NOS1: variants seen among roughly 807,000 people sequenced by gnomAD.
NOS1 encodes the protein nitric oxide synthase 1, also known as NOS type I.
A neutral mutation model predicts 164.5 loss-of-function variants in NOS1; 51 were observed. The observed-to-expected ratio is 0.31, with a 90% CI of 0.25 to 0.39. The LOEUF (loss-of-function observed/expected upper bound fraction) is 0.39, where lower values mean the gene tolerates loss of function less well. Ranked by LOEUF, NOS1 falls within the 10% of genes least tolerant of loss-of-function variation. The pLI is 1.00. For missense variants in NOS1, 1,362 were observed against 1,885.6 expected (o/e 0.72, Z 5.14); for synonymous variants, 719 against 745.8 (o/e 0.96, Z 0.59).
intron 5 of NOS1, 103 bp downstream of exon 5, chr12:117,287,971 G>T: frequency 7.7e-7 from 1 of 1,293,536 alleles, no homozygotes. Flanking sequence ...GTGTATGGCA[G>T]AGGCCTTGTG....
intron 2 of NOS1, among the ~76,000 whole-genome samples, chr12:117,327,147 C>T (rs937521100): frequency 2.6e-5 from 4 of 152,156 alleles, no homozygotes; most frequent in Non-Finnish European, 4.4e-5. Flanking sequence ...ATATTAGATA[C>T]GGCTGGGATT....
At chr12:117,222,161 G>A in intron 26 of NOS1, among the ~76,000 whole-genome samples, 1 of 151,960 alleles carries the variant, frequency 6.6e-6, no homozygotes. Context: ...TCAGCCCCTG[G>A]CAACCACTAA....
chr12:117,209,703 C>T lies in NOS1; in HGVS notation c.*5606G>A, dbSNP rs1211041911. On this transcript the variant is annotated 3_prime_UTR_variant, in exon 29 of 29. Transcript: ENST00000317775. ...TAAGTATTAATAGGAAACAGACTCT[C>T]GACAGACACTGCTTTCCACGGGTGA... The T allele has an allele frequency of 1.3e-5, 13 of 985,388 alleles. No homozygotes were observed. The highest frequency in any genetic ancestry group is 1.0e-3 in the Middle Eastern group (2 of 1,936). The allele number at this position is 985,388 out of a possible 1,614,324, so 61.0% of individuals were successfully genotyped here.
At chr12:117,220,750 C>T (rs1956690002) in intron 26 of NOS1, among the ~76,000 whole-genome samples, 1 of 152,106 alleles carries the variant, frequency 6.6e-6, no homozygotes, top group Non-Finnish European at 1.5e-5. Flanking sequence ...CCAGCTTCCA[C>T]CTCTGCAAAG....
chr12:117,262,714 C>CA (rs1287677202), intron 13 of NOS1, among the ~76,000 whole-genome samples: 2 of 152,030 alleles, frequency 1.3e-5, no homozygotes, highest in Non-Finnish European at 2.9e-5. Flanking sequence ...TGTCTTCTGA[C>CA]AAAAAGTTAG....
At position 117,214,815 on chromosome 12, in the gene NOS1, G is replaced by A. The variant is rs139248593; in HGVS notation, c.*494C>T. The A allele has an allele frequency of 2.4e-5, 24 of 982,708 alleles. No individual in the cohort carries two copies. In the East Asian group the frequency reaches 1.4e-3, roughly 56 times the overall value. 60.9% of individuals were successfully genotyped at this position (982,708 alleles called of 1,614,324 possible). ...GACACACTTGTGCAGGGAAGAGGAC[G>A]GACAGAGACCTGGCCCATCACACAC... is the stretch of plus-strand genomic sequence containing the variant. On this transcript the variant is annotated 3_prime_UTR_variant, in exon 29 of 29. Coordinates refer to ENST00000317775, the MANE Select transcript of NOS1 (RefSeq NM_000620.5).
rs943168772 is a variant in NOS1 at position 117,218,103 on chromosome 12, T to C, written c.4232A>G (p.Asn1411Ser). The C allele has an allele frequency of 2.5e-6, 4 of 1,614,038 alleles. No homozygotes were observed. Among genetic ancestry groups the C allele is most frequent in the Middle Eastern group, 1.6e-4 (1 of 6,082 alleles). The part of the protein sequence containing the change: ...GVTLRTYEVT[N>S]RLRSESIAFI... ...GGCAATGGACTCAGATCTAAGGCGGTTGGTCACTTCGTACGTTCGCAGGGT... is the reference window on the plus strand; with the variant it reads ...GGCAATGGACTCAGATCTAAGGCGGCTGGTCACTTCGTACGTTCGCAGGGT... The change falls in exon 28 of 29, where the codon AAC becomes AGC. Residue 1411 changes from asparagine to serine, a missense_variant. Asn to Ser is a conservative substitution (Grantham distance 46). Coordinates refer to ENST00000317775, the MANE Select transcript of NOS1 (RefSeq NM_000620.5).
intron 16 of NOS1, among the ~76,000 whole-genome samples, chr12:117,254,266 C>T (rs905052587): frequency 1.3e-5 from 2 of 152,266 alleles, no homozygotes; most frequent in East Asian, 1.9e-4. Context: ...TGCCAACATG[C>T]TCAGCTAATT....
chr12:117,322,304 CCT>C (rs1296501382), intron 2 of NOS1, among the ~76,000 whole-genome samples: 1 of 127,242 alleles, frequency 7.9e-6, no homozygotes, highest in African/African-American at 3.1e-5. Flanking sequence ...TCCTTCCCTC[CCT>C]CTGTCCCTCC....
At chr12:117,298,333 G>A (rs190474557) in intron 3 of NOS1, among the ~76,000 whole-genome samples, 47 of 152,184 alleles carry the variant, frequency 3.1e-4, no homozygotes, top group South Asian at 6.2e-4. Flanking sequence ...GAGCCCAGGC[G>A]GTAATGCGAG....
At chr12:117,291,723 T>C (rs1427144443) in intron 3 of NOS1, among the ~76,000 whole-genome samples, 1 of 151,758 alleles carries the variant, frequency 6.6e-6, no homozygotes, top group Non-Finnish European at 1.5e-5. Flanking sequence ...TTTGTAGAGA[T>C]GGGGGTCTCA....
In NOS1 at chr12:117,275,451, T is replaced by G. The variant is rs575253315; in HGVS notation, c.1664+2508A>C. ...TCATAGGTAGAAGCTACAAAAAAAGTTGATCTCATGGAAGTAAAAAGTGGA... is the reference window on the plus strand; with the variant it reads ...TCATAGGTAGAAGCTACAAAAAAAGGTGATCTCATGGAAGTAAAAAGTGGA... On this transcript the variant is annotated intron_variant, in intron 9 of 28. Coordinates refer to ENST00000317775, the MANE Select transcript of NOS1 (RefSeq NM_000620.5). 3.3e-5 allele frequency among the ~76,000 whole-genome samples: 5 copies of G among 152,102 alleles called. No homozygotes were observed. In the South Asian group the frequency reaches 1.0e-3, roughly 32 times the overall value.
chr12:117,315,355 C>T (rs1045758759), intron 2 of NOS1, among the ~76,000 whole-genome samples: 1 of 152,012 alleles, frequency 6.6e-6, no homozygotes. Context: ...AGGTACACAC[C>T]ACCACACCCA....
Position 117,210,972 on chromosome 12 carries a change from T to C in NOS1, c.*4337A>G. 1.1e-6 allele frequency: 1 copy of C among 950,822 alleles called. No individual in the cohort carries two copies. Among genetic ancestry groups the C allele is most frequent in the Non-Finnish European group, 1.3e-6 (1 of 798,570 alleles). The allele number at this position is 950,822 out of a possible 1,614,324, so 58.9% of individuals were successfully genotyped here. A position where few individuals can be genotyped will look rare whatever the true frequency, so the allele number is the denominator to read the frequency against. The stretch of plus-strand genomic sequence containing the variant: ...TTTATTTTATTTTATTTTATTTTTT[T>C]TGAGATAAGAGTCTTGCTCTGTCAC... On this transcript the variant is annotated 3_prime_UTR_variant, in exon 29 of 29. Transcript: ENST00000317775.
At chr12:117,251,597 T>G (rs993403956) in intron 17 of NOS1, among the ~76,000 whole-genome samples, 2 of 37,006 alleles carry the variant, frequency 5.4e-5, no homozygotes, top group African/African-American at 3.0e-4. Flanking sequence ...ATTTTTTTCA[T>G]TTTTTTTTTT....
rs556158635 is a variant in NOS1, at chr12:117,309,157, C to G, written c.852+2309G>C. On this transcript the variant is annotated intron_variant, in intron 3 of 28. Transcript: ENST00000317775. ...AGAAGAGCTTTAAACCATATTTGTT[C>G]ATTTAATCATGAATGGAGAATAGTT... 3.3e-5 allele frequency among the ~76,000 whole-genome samples: 5 copies of G among 152,246 alleles called. No homozygotes were observed. The East Asian group carries it at 9.7e-4, about 29-fold the overall frequency.
At chr12:117,281,766 G>T (rs1419630640) in intron 7 of NOS1, among the ~76,000 whole-genome samples, 2 of 147,690 alleles carry the variant, frequency 1.4e-5, no homozygotes, top group Non-Finnish European at 3.0e-5. Flanking sequence ...GGAGGTAGAG[G>T]TTGCAGTGAG....
At chr12:117,312,502 A>T (rs904915650) in intron 2 of NOS1, among the ~76,000 whole-genome samples, 34 of 152,070 alleles carry the variant, frequency 2.2e-4, no homozygotes, top group African/African-American at 7.5e-4. Flanking sequence ...TGCAGCCTTG[A>T]TCTTCTGGGT....
chr12:117,325,334 C>T lies in NOS1; in HGVS notation c.725+5011G>A, dbSNP rs1052251371. Among the ~76,000 whole-genome samples, 3 of 152,176 alleles carry T rather than the reference C, an allele frequency of 2.0e-5. No individual in the cohort carries two copies. The South Asian group carries it at 6.2e-4, about 32-fold the overall frequency. ...CGAAGAACATTCTAGCTCTGGGATTCCAATTCCTAACTTGGGACACTGATG... is the reference window on the plus strand; with the variant it reads ...CGAAGAACATTCTAGCTCTGGGATTTCAATTCCTAACTTGGGACACTGATG... On this transcript the variant is annotated intron_variant, in intron 2 of 28. Coordinates refer to ENST00000317775, the MANE Select transcript of NOS1 (RefSeq NM_000620.5).
Sources: allele counts gnomAD v4.1 joint callset (sites outside exome capture counted in the v4.1 genomes callset), GRCh38; gene constraint gnomAD v4.1.1; transcripts MANE v1.5; gene names NCBI Gene and HGNC (gene_info 2026-07-23, HGNC 2026-07-21).